AIG1: variants seen among roughly 807,000 people sequenced by gnomAD.
AIG1 encodes the protein androgen induced 1, also known as androgen-induced gene 1 protein.
AIG1 carries 23 observed loss-of-function variants against 31.4 expected under a neutral mutation model. That is an observed-to-expected ratio of 0.73 (90% CI 0.53 to 1.04). The LOEUF is 1.04. Among genes scored for constraint, AIG1 ranks in the 50% least tolerant of loss-of-function variants. AIG1 has a pLI of 0.00. For missense variants in AIG1, 274 were observed against 295.0 expected, an observed-to-expected ratio of 0.93 and a Z score of 0.52; for synonymous variants, 100 against 110.5, an observed-to-expected ratio of 0.90 and a Z score of 0.60.
chr6:143,137,524 G>A (rs1343747777), intron 2 of AIG1, among the ~76,000 whole-genome samples: 1 of 152,168 alleles, frequency 6.6e-6, no homozygotes, highest in African/African-American at 2.4e-5. Flanking sequence ...GGTCAACCAG[G>A]CTTTTGAACT....
intron 3 of AIG1, among the ~76,000 whole-genome samples, chr6:143,272,409 A>G (rs991548709): frequency 2.0e-5 from 3 of 152,184 alleles, no homozygotes; most frequent in African/African-American, 4.8e-5. Flanking sequence ...GAACCCTTCC[A>G]TCTATGATCT....
chr6:143,075,448 C>T (rs1777650400), intron 1 of AIG1, among the ~76,000 whole-genome samples: 2 of 152,050 alleles, frequency 1.3e-5, no homozygotes, highest in South Asian at 4.1e-4. Flanking sequence ...GGACTACTGG[C>T]ACACACCACC....
intron 3 of AIG1, among the ~76,000 whole-genome samples, chr6:143,263,242 C>G (rs1448743595): frequency 6.6e-6 from 1 of 151,592 alleles, no homozygotes; most frequent in African/African-American, 2.4e-5. Context: ...GATAGCTTCC[C>G]CTCTTTGTTT....
At chr6:143,111,542 G>A (rs541201074) in intron 1 of AIG1, among the ~76,000 whole-genome samples, 2 of 152,216 alleles carry the variant, frequency 1.3e-5, no homozygotes, top group East Asian at 3.9e-4. Context: ...TTCTCAATCT[G>A]GTGGAACTCG....
intron 3 of AIG1, among the ~76,000 whole-genome samples, chr6:143,177,504 G>T (rs1168978890): frequency 6.6e-6 from 1 of 152,198 alleles, no homozygotes; most frequent in Non-Finnish European, 1.5e-5. Flanking sequence ...GTTGGGTAAG[G>T]TGCTTTGGCT....
chr6:143,148,592 G>A (rs1470975476), intron 2 of AIG1, among the ~76,000 whole-genome samples: 1 of 152,084 alleles, frequency 6.6e-6, no homozygotes, highest in Non-Finnish European at 1.5e-5. Flanking sequence ...TTGGGAGGCT[G>A]AGATGGGAGG....
chr6:143,303,052 G>A (rs1240173456), intron 4 of AIG1, among the ~76,000 whole-genome samples: 2 of 152,208 alleles, frequency 1.3e-5, no homozygotes, highest in South Asian at 2.1e-4. Context: ...CATGTCCTTC[G>A]CCCACTTTTT....
chr6:143,331,144 T>G lies in AIG1; in HGVS notation c.516-2138T>G, dbSNP rs1203459939. Among the ~76,000 whole-genome samples the G allele has an allele frequency of 2.0e-5, 3 of 149,516 alleles. No individual in the cohort carries two copies. Among genetic ancestry groups the G allele is most frequent in the African/African-American group, 4.9e-5 (2 of 40,750 alleles). Reference sequence around the variant, plus strand: ...CTACCAAGGAACCTTTGTAGACCTGTTTTTTTTTTCCTAATTTCCACCACA... The same window carrying G: ...CTACCAAGGAACCTTTGTAGACCTGGTTTTTTTTTCCTAATTTCCACCACA... On this transcript the variant is annotated intron_variant, in intron 4 of 5. Transcript: ENST00000357847. The surrounding 1 kb of genome is among the most constrained non-coding windows in gnomAD (Gnocchi z 4.1).
At chr6:143,185,321 A>G (rs1275139384) in intron 3 of AIG1, among the ~76,000 whole-genome samples, 1 of 152,064 alleles carries the variant, frequency 6.6e-6, no homozygotes, top group Non-Finnish European at 1.5e-5. Context: ...GACTTCCCTG[A>G]GCCCATTTAT....
intron 2 of AIG1, among the ~76,000 whole-genome samples, chr6:143,137,373 A>G (rs1268309499): frequency 6.6e-6 from 1 of 152,142 alleles, no homozygotes; most frequent in East Asian, 1.9e-4. Context: ...ATATATAATC[A>G]CCTCTTGAGA....
chr6:143,153,431 T>C (rs1438597393), intron 2 of AIG1, among the ~76,000 whole-genome samples: 2 of 152,192 alleles, frequency 1.3e-5, no homozygotes, highest in East Asian at 3.9e-4. Flanking sequence ...CACTGCAAGC[T>C]CCACCTCCCG....
At chr6:143,081,056 G>C (rs1291770478) in intron 1 of AIG1, among the ~76,000 whole-genome samples, 1 of 152,160 alleles carries the variant, frequency 6.6e-6, no homozygotes, top group Non-Finnish European at 1.5e-5. Flanking sequence ...CAAGCACAAG[G>C]TCATTGGTTA....
chr6:143,271,996 T>C (rs1796558160), intron 3 of AIG1, among the ~76,000 whole-genome samples: 1 of 152,182 alleles, frequency 6.6e-6, no homozygotes, highest in Non-Finnish European at 1.5e-5. Context: ...CATACAATGG[T>C]CAACTGGTTT....
At chr6:143,302,321 C>A (rs1013624683) in intron 4 of AIG1, among the ~76,000 whole-genome samples, 5 of 151,476 alleles carry the variant, frequency 3.3e-5, no homozygotes, top group South Asian at 2.1e-4. Flanking sequence ...GTGCTGCACC[C>A]ATTAACTCCT....
rs1777323711 is a variant in AIG1, at chr6:143,334,427, G to A, written c.679+982G>A. Among the ~76,000 whole-genome samples the A allele has an allele frequency of 6.6e-6, 1 of 152,234 alleles. No individual in the cohort carries two copies. Among genetic ancestry groups the A allele is most frequent in the African/African-American group, 2.4e-5 (1 of 41,468 alleles). On this transcript the variant is annotated intron_variant, in intron 5 of 5. Coordinates refer to ENST00000357847, the MANE Select transcript of AIG1 (RefSeq NM_016108.4). The surrounding 1 kb of genome is among the most constrained non-coding windows in gnomAD (Gnocchi z 5.1). ...GTTACTGTGCATGGTTACTGAATCA[G>A]ACTTTTGTGTGTGTGGATCCTCTAA...
intron 4 of AIG1, among the ~76,000 whole-genome samples, chr6:143,286,685 G>T (rs181247560): frequency 5.9e-5 from 9 of 152,254 alleles, no homozygotes; most frequent in Non-Finnish European, 8.8e-5. Flanking sequence ...CCCATGCCAA[G>T]ATGAAAGAAA....
intron 2 of AIG1, among the ~76,000 whole-genome samples, chr6:143,143,966 A>G (rs1441269922): frequency 6.6e-6 from 1 of 152,214 alleles, no homozygotes; most frequent in Non-Finnish European, 1.5e-5. Context: ...TCAAAAGACC[A>G]AGGACATCAT....
At chr6:143,113,567 C>A (rs1379574957) in intron 1 of AIG1, among the ~76,000 whole-genome samples, 3 of 149,778 alleles carry the variant, frequency 2.0e-5, no homozygotes, top group Non-Finnish European at 4.4e-5. Flanking sequence ...CACGCCACTG[C>A]ACTCCAGCCT....
chr6:143,144,750 A>T (rs1028945358), intron 2 of AIG1, among the ~76,000 whole-genome samples: 5 of 152,048 alleles, frequency 3.3e-5, no homozygotes, highest in Non-Finnish European at 7.3e-5. Context: ...GCTTTATTTT[A>T]TCCATGATGA....
Sources: allele counts gnomAD v4.1 joint callset (sites outside exome capture counted in the v4.1 genomes callset), GRCh38; gene constraint gnomAD v4.1.1; non-coding constraint Gnocchi (gnomAD v3.1); transcripts MANE v1.5; gene names NCBI Gene and HGNC (gene_info 2026-07-23, HGNC 2026-07-21).